Variants in ELP6 observed in about 807,000 individuals in gnomAD.
ELP6 encodes elongator acetyltransferase complex subunit 6.
In ELP6, 23 loss-of-function variants were observed where a neutral mutation model predicts 28.1. That is an observed-to-expected ratio of 0.82 (90% CI 0.59 to 1.16). ELP6 has a LOEUF of 1.16. Among genes scored for constraint, ELP6 ranks in the 50% most tolerant of loss-of-function variants. The pLI, the probability that ELP6 is intolerant of heterozygous loss-of-function variation, is 0.00. For missense variants in ELP6, 313 were observed against 334.6 expected (o/e 0.94, Z 0.50); for synonymous variants, 132 against 135.8 (o/e 0.97, Z 0.19).
chr3:47,506,207 C>T (rs1708831844), intron 3 of ELP6, among the ~76,000 whole-genome samples: 2 of 152,152 alleles, frequency 1.3e-5, no homozygotes, highest in African/African-American at 4.8e-5. Context: ...TCACGTATTT[C>T]ACAAGGTAAT....
At chr3:47,511,779 A>T in intron 1 of ELP6, 1 of 993,732 alleles carries the variant, frequency 1.0e-6, no homozygotes. Context: ...AGCTCTAGAA[A>T]GACCTCTAAG....
At chr3:47,504,592 C>T in intron 3 of ELP6, 144 bp from the exon 4 acceptor site, 1 of 1,275,052 alleles carries the variant, frequency 7.8e-7, no homozygotes, top group African/African-American at 1.5e-5. Context: ...GTCTTCATTC[C>T]CCTGGGTGCT....
intron 1 of ELP6, chr3:47,511,877 C>T (rs1302518277): frequency 1.0e-6 from 1 of 985,548 alleles, no homozygotes; most frequent in Non-Finnish European, 1.2e-6. Context: ...TGATATCATG[C>T]ATGCCACCTC....
At chr3:47,496,921 GCTGA>G (rs1294585667) in intron 6 of ELP6, 1 of 985,320 alleles carries the variant, frequency 1.0e-6, no homozygotes, top group African/African-American at 1.7e-5. Flanking sequence ...TGGTGTTACT[GCTGA>G]CTACAATGCT....
chr3:47,502,592 T>G, intron 4 of ELP6: 1 of 976,326 alleles, frequency 1.0e-6, no homozygotes, highest in Non-Finnish European at 1.2e-6. Context: ...CCCAGCACTT[T>G]GGGGGGCCAG....
chr3:47,504,345 G>C lies in ELP6; in HGVS notation c.308C>G (p.Pro103Arg), dbSNP rs1157557992. The C allele has an allele frequency of 6.2e-7, 1 of 1,608,388 alleles. No individual in the cohort carries two copies. The highest frequency in any genetic ancestry group is 1.3e-5 in the African/African-American group (1 of 74,850). ...GCTGACTGACCTGAGAAACTGCAGG[G>C]GGTGTGGCTCCTTTTGAGCCTGGAA... Reference protein sequence around the residue: ...VVFQAQKEPHPLQFLREANAG... With the variant: ...VVFQAQKEPHRLQFLREANAG... Residue 103 changes from proline (P) to arginine (R), a missense_variant, in exon 4 of 7, where the codon CCC becomes CGC. Coordinates refer to ENST00000296149, the MANE Select transcript of ELP6 (RefSeq NM_001031703.3).
intron 3 of ELP6, among the ~76,000 whole-genome samples, chr3:47,505,244 T>C (rs1276455751): frequency 2.0e-5 from 3 of 151,946 alleles, no homozygotes; most frequent in Non-Finnish European, 2.9e-5. Flanking sequence ...CCAGCCTGGG[T>C]GACAAGAGTG....
chr3:47,499,740 T>C, intron 5 of ELP6: 2 of 939,934 alleles, frequency 2.1e-6, no homozygotes, highest in Non-Finnish European at 2.5e-6. Context: ...AGAAAAAGAA[T>C]AAGTGGCTCC....
intron 1 of ELP6, chr3:47,511,700 A>G (rs1463359038): frequency 1.5e-6 from 1 of 659,576 alleles, no homozygotes; most frequent in East Asian, 1.2e-4. Flanking sequence ...AGGAAGAAGC[A>G]GTTGCTGATA....
At chr3:47,500,103 T>G in intron 5 of ELP6, 1 of 1,203,650 alleles carries the variant, frequency 8.3e-7, no homozygotes. Context: ...AAGGAGGGAC[T>G]GGCATCTGCA....
At position 47,495,660 on chromosome 3, in the gene ELP6, T is replaced by C. The variant is rs1042748494; in HGVS notation, c.*409A>G. The stretch of plus-strand genomic sequence containing the variant: ...GAAGCTCCAGTGTGGAAACTTACTT[T>C]ATTCCAGCCATGATTATCCTAGTTG... On this transcript the variant is annotated 3_prime_UTR_variant, in exon 7 of 7. Transcript: ENST00000296149. The C allele has an allele frequency of 1.0e-5, 2 of 197,432 alleles. No homozygotes were observed. Among genetic ancestry groups the C allele is most frequent in the African/African-American group, 4.8e-5 (2 of 41,752 alleles). 12.2% of individuals were successfully genotyped at this position (197,432 alleles called of 1,614,324 possible). A position where few individuals can be genotyped will look rare whatever the true frequency, so the allele number is the denominator to read the frequency against.
intron 6 of ELP6, chr3:47,496,931 A>G (rs2108067699): frequency 4.1e-6 from 4 of 985,394 alleles, no homozygotes; most frequent in Non-Finnish European, 4.8e-6. Context: ...GCTGACTACA[A>G]TGCTCTGGGG....
chr3:47,507,955 A>AAAAG, intron 3 of ELP6, among the ~76,000 whole-genome samples: 1 of 152,102 alleles, frequency 6.6e-6, no homozygotes, highest in Non-Finnish European at 1.5e-5. Flanking sequence ...AAAAGTAGCC[A>AAAAG]GTTTAGATAT....
intron 3 of ELP6, 87 bp downstream of exon 3, chr3:47,510,097 C>T (rs1203426970): frequency 5.4e-6 from 6 of 1,113,966 alleles, no homozygotes; most frequent in Non-Finnish European, 1.4e-6. Context: ...AAGTTCTGTA[C>T]AATGCAAACA....
At chr3:47,503,278 G>A in intron 4 of ELP6, 1 of 1,275,604 alleles carries the variant, frequency 7.8e-7, no homozygotes, top group Non-Finnish European at 1.0e-6. Context: ...AAGGCAGTGG[G>A]GGAAGTTCCT....
At chr3:47,512,421 G>A (rs1709041454) in intron 1 of ELP6, 1 of 172,990 alleles carries the variant, frequency 5.8e-6, no homozygotes, top group South Asian at 1.9e-4. Context: ...GTGTGGTAGC[G>A]CACGCCTGCA....
intron 5 of ELP6, 31 bp downstream of exon 5, chr3:47,501,619 G>C: frequency 1.2e-6 from 2 of 1,607,452 alleles, no homozygotes; most frequent in Non-Finnish European, 1.7e-6. Context: ...GAGGTCACAG[G>C]TGGGCGCAGA....
intron 3 of ELP6, 140 bp from the exon 4 acceptor site, chr3:47,504,588 A>G (rs1487400931): frequency 2.3e-6 from 3 of 1,287,906 alleles, no homozygotes; most frequent in East Asian, 3.0e-5. Context: ...GCCTGTCTTC[A>G]TTCCCCTGGG....
intron 3 of ELP6, among the ~76,000 whole-genome samples, chr3:47,506,885 C>T (rs1022447079): frequency 1.3e-5 from 2 of 152,172 alleles, no homozygotes; most frequent in South Asian, 2.1e-4. Context: ...TCACAATCCA[C>T]GTTCTTCTGC....
Sources: gnomAD v4.1 joint callset for allele counts (sites outside exome capture counted in the v4.1 genomes callset) on GRCh38, gnomAD v4.1.1 for gene constraint, MANE v1.5 for transcripts, NCBI Gene and HGNC (gene_info 2026-07-23, HGNC 2026-07-21) for gene names.